ARHGAP12: variants seen among roughly 807,000 people sequenced by gnomAD.
ARHGAP12 encodes Rho GTPase activating protein 12.
In ARHGAP12, 64 loss-of-function variants were observed where a neutral mutation model predicts 108.6. The ratio of observed to expected loss-of-function variants is 0.59; its 90% CI spans 0.48 to 0.73. The LOEUF is 0.73. Among genes scored for constraint, ARHGAP12 ranks in the 30% least tolerant of loss-of-function variants. ARHGAP12 has a pLI of 0.00. For missense variants in ARHGAP12, 940 were observed against 1,005.9 expected (o/e 0.93, Z 0.89); for synonymous variants, 312 against 337.2 (o/e 0.93, Z 0.82).
intron 12 of ARHGAP12, 46 bp downstream of exon 12, chr10:31,820,341 A>G (rs1017045631): frequency 4.8e-6 from 7 of 1,459,866 alleles, no homozygotes; most frequent in Non-Finnish European, 4.7e-6. Flanking sequence ...AGAACATCCA[A>G]TTACTACAGT....
chr10:31,908,776 G>A lies in ARHGAP12; in HGVS notation c.80C>T (p.Ala27Val), dbSNP rs1186602381. The A allele has an allele frequency of 2.5e-6, 4 of 1,612,304 alleles. No homozygotes were observed. The highest frequency in any genetic ancestry group is 1.1e-5 in the South Asian group (1 of 91,074). The change falls in exon 3 of 20, where the codon GCA becomes GTA. Residue 27 changes from alanine (A) to valine (V), a missense_variant. Transcript: ENST00000344936. ...TTTTATCACAATCTTTCTGTCCTTT[G>A]CTTCATATTCATAATCATATTCCAC... is the stretch of plus-strand genomic sequence containing the variant. ...IEVEYDYEYE[A>V]KDRKIVIKQG...
intron 4 of ARHGAP12, among the ~76,000 whole-genome samples, chr10:31,859,065 G>T (rs150744714): frequency 2.6e-4 from 39 of 152,290 alleles, no homozygotes; most frequent in African/African-American, 9.1e-4. Context: ...GCTGCTAGGT[G>T]TGCAGCCCAT....
rs138837497 is a variant in ARHGAP12, at chr10:31,925,217, C to T, written c.-111+3466G>A. On this transcript the variant is annotated intron_variant, in intron 1 of 19. Transcript: ENST00000344936. Reference sequence around the variant, plus strand: ...CTACAAAAAAACTATTATCATCATCCTACCAGACCCAATACTGGCCACCAT... The same window carrying T: ...CTACAAAAAAACTATTATCATCATCTTACCAGACCCAATACTGGCCACCAT... Among the ~76,000 whole-genome samples, 104 of 152,254 alleles carry T rather than the reference C, an allele frequency of 6.8e-4. 1 individual carries two copies. The highest frequency in any genetic ancestry group is 2.3e-3 in the African/African-American group (94 of 41,550).
rs541280016 is a variant in ARHGAP12 at position 31,861,662 on chromosome 10, T to C, written c.685-4A>G. The C allele has an allele frequency of 1.3e-6, 2 of 1,576,408 alleles. No individual in the cohort carries two copies. Among genetic ancestry groups the C allele is most frequent in the Admixed American group, 2.0e-5 (1 of 49,672 alleles). On this transcript the variant is annotated splice_region_variant and splice_polypyrimidine_tract_variant and intron_variant, in intron 3 of 19. Transcript: ENST00000344936. ...CTTGATTTGGAGGTGTGGTTGCCTG[T>C]GAAATAAACATTTTTAAATTTCATG... is the stretch of plus-strand genomic sequence containing the variant.
At chr10:31,912,807 A>G (rs16932779) in intron 1 of ARHGAP12, among the ~76,000 whole-genome samples, 7,786 of 152,304 alleles carry the variant, frequency 0.051, 660 homozygotes, top group African/African-American at 0.17. Context: ...ATAAACATGC[A>G]GAAAGCCACA....
chr10:31,890,718 T>G (rs192204826), intron 3 of ARHGAP12, among the ~76,000 whole-genome samples: 6 of 152,312 alleles, frequency 3.9e-5, no homozygotes, highest in African/African-American at 1.2e-4. Context: ...CAGTTTACAC[T>G]TGTTTTTAGA....
chr10:31,920,389 G>A (rs2132493013), intron 1 of ARHGAP12, among the ~76,000 whole-genome samples: 1 of 141,840 alleles, frequency 7.1e-6, no homozygotes, highest in Non-Finnish European at 1.5e-5. Context: ...GGCAGAGGTT[G>A]CAGTGAGCCA....
chr10:31,910,346 G>A (rs1385702127), intron 2 of ARHGAP12, among the ~76,000 whole-genome samples, 179 bp downstream of exon 2: 1 of 152,128 alleles, frequency 6.6e-6, no homozygotes, highest in Non-Finnish European at 1.5e-5. Context: ...TACACTACAG[G>A]TGTAGTAACC....
At chr10:31,921,544 T>A (rs1422132370) in intron 1 of ARHGAP12, among the ~76,000 whole-genome samples, 1 of 151,818 alleles carries the variant, frequency 6.6e-6, no homozygotes, top group African/African-American at 2.4e-5. Context: ...GTCGGGCGGA[T>A]AATGAGGTCA....
At chr10:31,922,489 A>G (rs184502411) in intron 1 of ARHGAP12, among the ~76,000 whole-genome samples, 61 of 151,674 alleles carry the variant, frequency 4.0e-4, no homozygotes, top group African/African-American at 1.4e-3. Context: ...TGCAGCCTCT[A>G]ATTCCTGGGC....
chr10:31,827,964 G>A (rs986922947), intron 10 of ARHGAP12, among the ~76,000 whole-genome samples: 2 of 151,826 alleles, frequency 1.3e-5, no homozygotes, highest in African/African-American at 4.8e-5. Flanking sequence ...ATTACTACTA[G>A]TGAAATAAAG....
chr10:31,884,400 C>G (rs1838115499), intron 3 of ARHGAP12, among the ~76,000 whole-genome samples: 3 of 151,088 alleles, frequency 2.0e-5, no homozygotes, highest in Non-Finnish European at 4.4e-5. Context: ...CTTCTACATT[C>G]AATATTTTGC....
chr10:31,872,888 A>C (rs1837594589), intron 3 of ARHGAP12, among the ~76,000 whole-genome samples: 1 of 152,106 alleles, frequency 6.6e-6, no homozygotes, highest in Non-Finnish European at 1.5e-5. Flanking sequence ...ATTAATGCAT[A>C]CCATTTTCCT....
chr10:31,838,965 A>G (rs1836143374), intron 9 of ARHGAP12, among the ~76,000 whole-genome samples: 1 of 151,978 alleles, frequency 6.6e-6, no homozygotes, highest in Non-Finnish European at 1.5e-5. Context: ...GCAGTGAGCT[A>G]TGATGGTTCT....
chr10:31,871,204 T>C (rs796109059), intron 3 of ARHGAP12, among the ~76,000 whole-genome samples: 70 of 152,338 alleles, frequency 4.6e-4, no homozygotes, highest in African/African-American at 1.5e-3. Flanking sequence ...AGCAACACTT[T>C]ATTGTTCTTC....
rs3028478 is a variant in ARHGAP12 at position 31,805,648 on chromosome 10, T to TCACA, written c.*2006_*2009dup. 0.16 allele frequency: 23,087 copies of TCACA among 144,034 alleles called. 1,972 individuals carry two copies. Among genetic ancestry groups the TCACA allele is most frequent in the East Asian group, 0.37 (1,817 of 4,890 alleles). The allele number at this position is 144,034 out of a possible 1,614,324, so 8.9% of individuals were successfully genotyped here. A position where few individuals can be genotyped will look rare whatever the true frequency, so the allele number is the denominator to read the frequency against. On this transcript the variant is annotated 3_prime_UTR_variant, in exon 20 of 20. Coordinates refer to ENST00000344936, the MANE Select transcript of ARHGAP12 (RefSeq NM_018287.7). Reference sequence around the variant, plus strand: ...GTAGACTAATAAAACATTTAAGACTTCACACACACACACACACACACACAC... The same window carrying TCACA: ...GTAGACTAATAAAACATTTAAGACTTCACACACACACACACACACACACACACAC...
chr10:31,825,159 C>A (rs888215926), intron 11 of ARHGAP12, among the ~76,000 whole-genome samples: 3 of 152,078 alleles, frequency 2.0e-5, no homozygotes, highest in African/African-American at 7.2e-5. Context: ...GTGCTCAATT[C>A]ATGTGGATTT....
At position 31,809,265 on chromosome 10, in the gene ARHGAP12, G is replaced by A; in HGVS notation, c.2093C>T (p.Ala698Val). The A allele has an allele frequency of 6.2e-7, 1 of 1,613,914 alleles. No homozygotes were observed. Among genetic ancestry groups the A allele is most frequent in the Non-Finnish European group, 8.5e-7 (1 of 1,179,876 alleles). The change falls in exon 17 of 20, where the codon GCA becomes GTA. Residue 698 changes from alanine (A) to valine (V), a missense_variant. Coordinates refer to ENST00000344936, the MANE Select transcript of ARHGAP12 (RefSeq NM_018287.7). ...TGCAAACCTTAGTTTCTGGATCACT[G>A]CGAGGTTGCCACTTACTCTGTATAT... ...DGIYRVSGNL[A>V]VIQKLRFAVN...
intron 3 of ARHGAP12, among the ~76,000 whole-genome samples, chr10:31,870,961 G>A (rs1398620430): frequency 6.6e-6 from 1 of 152,186 alleles, no homozygotes; most frequent in Non-Finnish European, 1.5e-5. Context: ...GACAGTCCCT[G>A]TCCTTGAGGA....
Sources: gnomAD v4.1 joint callset for allele counts (sites outside exome capture counted in the v4.1 genomes callset) on GRCh38, gnomAD v4.1.1 for gene constraint, MANE v1.5 for transcripts, NCBI Gene and HGNC (gene_info 2026-07-23, HGNC 2026-07-21) for gene names.